Variants in PVT1 observed in about 807,000 individuals in gnomAD.
PVT1 encodes the protein Pvt1 oncogene, also known as CXCR4/PVT1 fusion.
At chr8:127,967,020 C>T (rs533447560) in intron 3 of PVT1, among the ~76,000 whole-genome samples, 7 of 152,244 alleles carry the variant, frequency 4.6e-5, no homozygotes, top group East Asian at 3.9e-4. Flanking sequence ...AGGAAAATCC[C>T]GAGGAGGCAG....
intron 4 of PVT1, among the ~76,000 whole-genome samples, chr8:128,025,879 C>G (rs1027574102): frequency 1.3e-5 from 2 of 152,114 alleles, no homozygotes; most frequent in African/African-American, 2.4e-5. Flanking sequence ...GTAGCTCCCC[C>G]AGTGGCTTAA....
intron 2 of PVT1, among the ~76,000 whole-genome samples, chr8:127,828,524 T>C (rs1814816090): frequency 6.6e-6 from 1 of 152,130 alleles, no homozygotes; most frequent in East Asian, 1.9e-4. Flanking sequence ...ATTTTGAAAT[T>C]TAAATGATAA....
At position 128,098,244 on chromosome 8, in the gene PVT1, G is replaced by T. The variant is rs529993989; in HGVS notation, n.1251+1590G>T. ...GGCTGACCCTCTCTCATCCCCAGGA[G>T]GAGAAGCTGCTGTGTTTAGAGTGTC... On this transcript the variant is annotated intron_variant and non_coding_transcript_variant, in intron 6 of 10. Coordinates refer to ENST00000651587, the Ensembl canonical transcript of PVT1. Among the ~76,000 whole-genome samples, 61 of 152,296 alleles carry T rather than the reference G, an allele frequency of 4.0e-4. 1 individual carries two copies. The South Asian group carries it at 0.012, about 31-fold the overall frequency.
chr8:127,901,165 G>T (rs1563634345), intron 3 of PVT1, among the ~76,000 whole-genome samples: 1 of 152,228 alleles, frequency 6.6e-6, no homozygotes, highest in Non-Finnish European at 1.5e-5. Context: ...TGGACATGGA[G>T]GTCCCAGGCA....
chr8:127,976,489 C>G (rs1816823829), intron 3 of PVT1, among the ~76,000 whole-genome samples: 1 of 152,172 alleles, frequency 6.6e-6, no homozygotes. Context: ...GGGTTATAGT[C>G]CTCCTGCTGA....
intron 2 of PVT1, among the ~76,000 whole-genome samples, chr8:127,876,253 AGTGTGTGTGT>A (rs56039408): frequency 1.0e-4 from 15 of 149,208 alleles, no homozygotes; most frequent in East Asian, 4.0e-4. Flanking sequence ...CCCAAACAGC[AGTGTGTGTGT>A]GTGTGTGTGT....
chr8:128,066,269 G>C (rs1813909185), intron 4 of PVT1, among the ~76,000 whole-genome samples: 1 of 152,140 alleles, frequency 6.6e-6, no homozygotes, highest in African/African-American at 2.4e-5. Flanking sequence ...GAATTGACAT[G>C]TCATTTCTGG....
At chr8:127,883,008 C>CGCACACACATGCCT (rs1170695678) in intron 2 of PVT1, among the ~76,000 whole-genome samples, 1 of 151,856 alleles carries the variant, frequency 6.6e-6, no homozygotes, top group Non-Finnish European at 1.5e-5. Context: ...TGCACATACA[C>CGCACACACATGCCT]GCACACACAT....
At chr8:127,853,214 G>T (rs59109915) in intron 2 of PVT1, among the ~76,000 whole-genome samples, 2,861 of 152,200 alleles carry the variant, frequency 0.019, 84 homozygotes, top group African/African-American at 0.065. Flanking sequence ...CCCAGCAGGA[G>T]GCCGGGGAAA....
chr8:128,008,059 C>A (rs141404020), intron 4 of PVT1, among the ~76,000 whole-genome samples: 1 of 152,148 alleles, frequency 6.6e-6, no homozygotes, highest in African/African-American at 2.4e-5. Flanking sequence ...TTGGTCTCCC[C>A]AGAGAAATGA....
intron 3 of PVT1, among the ~76,000 whole-genome samples, chr8:127,907,768 GC>G (rs1377590532): frequency 6.6e-6 from 1 of 152,164 alleles, no homozygotes; most frequent in Admixed American, 6.5e-5. Flanking sequence ...TGTTTTCTAA[GC>G]TATCACCCTA....
At chr8:128,017,588 A>C (rs2130047485) in intron 4 of PVT1, among the ~76,000 whole-genome samples, 1 of 148,262 alleles carries the variant, frequency 6.7e-6, no homozygotes, top group Non-Finnish European at 1.5e-5. Context: ...CATGCCACCA[A>C]GCGCTATTTT....
intron 2 of PVT1, among the ~76,000 whole-genome samples, chr8:127,844,005 C>T (rs148173720): frequency 3.3e-5 from 5 of 150,752 alleles, no homozygotes; most frequent in Admixed American, 2.0e-4. Flanking sequence ...TTTTTTGAGA[C>T]GGAGTCTTGC....
chr8:127,964,308 T>C (rs778388482), intron 3 of PVT1, among the ~76,000 whole-genome samples: 6 of 152,214 alleles, frequency 3.9e-5, no homozygotes, highest in Non-Finnish European at 5.9e-5. Context: ...TCAGAAATAG[T>C]TCCTGGTTAT....
chr8:127,973,275 G>A (rs918480767), intron 3 of PVT1, among the ~76,000 whole-genome samples: 6 of 152,114 alleles, frequency 3.9e-5, no homozygotes, highest in Non-Finnish European at 8.8e-5. Context: ...CCTGGGAGAC[G>A]AATCAATGAC....
At chr8:128,039,391 T>C (rs934840018) in intron 4 of PVT1, among the ~76,000 whole-genome samples, 1 of 152,238 alleles carries the variant, frequency 6.6e-6, no homozygotes, top group African/African-American at 2.4e-5. Context: ...CCACCTCTCC[T>C]CTAGTTAACA....
At chr8:127,977,171 CT>C (rs1270268520) in intron 3 of PVT1, among the ~76,000 whole-genome samples, 2 of 152,208 alleles carry the variant, frequency 1.3e-5, no homozygotes, top group Non-Finnish European at 2.9e-5. Context: ...ATTTATTCCC[CT>C]TGTCCTTAAT....
Position 127,842,581 on chromosome 8 carries a change from G to A in PVT1, n.372+46510G>A, listed in dbSNP as rs556397362. Among the ~76,000 whole-genome samples the A allele has an allele frequency of 2.6e-5, 4 of 151,948 alleles. No homozygotes were observed. In the South Asian group the frequency reaches 8.3e-4, roughly 32 times the overall value. Reference sequence around the variant, plus strand: ...GTGCATGGCCTGTGTTGAATTTTTTGTCTCCCCATTCCCAAGTAGCAACTC... The same window carrying A: ...GTGCATGGCCTGTGTTGAATTTTTTATCTCCCCATTCCCAAGTAGCAACTC... On this transcript the variant is annotated intron_variant and non_coding_transcript_variant, in intron 2 of 10. Coordinates refer to ENST00000651587, the Ensembl canonical transcript of PVT1.
At chr8:128,062,275 A>G (rs994156802) in intron 4 of PVT1, among the ~76,000 whole-genome samples, 3 of 151,992 alleles carry the variant, frequency 2.0e-5, no homozygotes, top group Non-Finnish European at 4.4e-5. Context: ...TACAAAACCT[A>G]CTCTTCATTT....
Sources: gnomAD v4.1 joint callset for allele counts (sites outside exome capture counted in the v4.1 genomes callset) on GRCh38, gnomAD v4.1.1 for gene constraint, MANE v1.5 for transcripts, NCBI Gene and HGNC (gene_info 2026-07-23, HGNC 2026-07-21) for gene names.